Variants in FAM135A observed in about 807,000 individuals in gnomAD.
FAM135A encodes protein FAM135A.
In FAM135A, 79 loss-of-function variants were observed where a neutral mutation model predicts 146.8. That is an observed-to-expected ratio of 0.54 (90% confidence interval 0.45 to 0.65). The LOEUF is 0.65. Among genes scored for constraint, FAM135A ranks in the 30% least tolerant of loss-of-function variants. The pLI, the probability that FAM135A is intolerant of heterozygous loss-of-function variation, is 0.00. For missense variants in FAM135A, 1,623 were observed against 1,758.2 expected (o/e 0.92, Z 1.38); for synonymous variants, 562 against 603.6 (o/e 0.93, Z 1.01).
At chr6:70,516,530 C>CTTTTTT (rs1174927909) in intron 12 of FAM135A, among the ~76,000 whole-genome samples, 274 of 84,918 alleles carry the variant, frequency 3.2e-3, no homozygotes, top group East Asian at 6.2e-3. Context: ...ATTTTCTTTT[C>CTTTTTT]TTTTTTTTTT....
intron 15 of FAM135A, 50 bp downstream of exon 15, chr6:70,526,748 TATACACACACACACACATAC>T (rs373718582): frequency 0.051 from 55,530 of 1,089,594 alleles, 3,488 homozygotes; most frequent in African/African-American, 0.065. Context: ...TACATATATA[TATACACACACACACACATAC>T]ACACACACAC....
At chr6:70,461,603 T>C (rs1779459354) in intron 5 of FAM135A, among the ~76,000 whole-genome samples, 1 of 152,160 alleles carries the variant, frequency 6.6e-6, no homozygotes, top group Non-Finnish European at 1.5e-5. Context: ...TAAAACTATT[T>C]ATGAGATAGG....
chr6:70,558,357 A>G (rs1008308940), intron 21 of FAM135A, among the ~76,000 whole-genome samples: 1 of 152,228 alleles, frequency 6.6e-6, no homozygotes, highest in African/African-American at 2.4e-5. Flanking sequence ...CACACGTTCC[A>G]TGGACACTGT....
At chr6:70,480,845 A>G in intron 8 of FAM135A, 56 bp from the exon 9 acceptor site, 1 of 1,487,210 alleles carries the variant, frequency 6.7e-7, no homozygotes, top group Non-Finnish European at 9.0e-7. Flanking sequence ...GTAAATATTT[A>G]ACTTACATTC....
At chr6:70,469,102 A>G (rs994465511) in intron 5 of FAM135A, among the ~76,000 whole-genome samples, 5 of 152,098 alleles carry the variant, frequency 3.3e-5, no homozygotes, top group African/African-American at 9.7e-5. Context: ...AATGTATTCT[A>G]TCATTTACTT....
At chr6:70,542,776 CTG>C (rs1798174758) in intron 20 of FAM135A, among the ~76,000 whole-genome samples, 1 of 152,120 alleles carries the variant, frequency 6.6e-6, no homozygotes, top group African/African-American at 2.4e-5. Context: ...ATGTCTAAAA[CTG>C]TATGTCTTCT....
At chr6:70,548,539 A>T (rs1041527696) in intron 20 of FAM135A, among the ~76,000 whole-genome samples, 10 of 152,202 alleles carry the variant, frequency 6.6e-5, no homozygotes, top group African/African-American at 9.6e-5. Context: ...GAGGAGCCAT[A>T]GACACCCTGC....
chr6:70,495,231 T>C (rs777424258), intron 11 of FAM135A, among the ~76,000 whole-genome samples: 2 of 152,206 alleles, frequency 1.3e-5, no homozygotes, highest in Middle Eastern at 3.2e-3. Flanking sequence ...GGGAGCTCTT[T>C]TTCATAAAAA....
At chr6:70,539,888 C>G (rs1014400175) in intron 20 of FAM135A, among the ~76,000 whole-genome samples, 1 of 151,966 alleles carries the variant, frequency 6.6e-6, no homozygotes, top group African/African-American at 2.4e-5. Context: ...CCCAGCTACT[C>G]GGGAGGCTGA....
chr6:70,440,622 A>AG (rs1186400776), intron 4 of FAM135A, among the ~76,000 whole-genome samples: 1 of 152,208 alleles, frequency 6.6e-6, no homozygotes, highest in Non-Finnish European at 1.5e-5. Context: ...TGGGAGGCAG[A>AG]GGTTGCAGTG....
chr6:70,459,464 A>G (rs915247655), intron 5 of FAM135A, among the ~76,000 whole-genome samples: 1 of 152,302 alleles, frequency 6.6e-6, no homozygotes. Context: ...TCAGTCATGA[A>G]AGACAATGAG....
rs1444746764 is a variant in FAM135A, at chr6:70,551,383, G to A, written c.4229-5367G>A. On this transcript the variant is annotated intron_variant, in intron 20 of 21. Coordinates refer to ENST00000418814, the MANE Select transcript of FAM135A (RefSeq NM_001162529.3). ...CCAGAACTTTGCAAGGCCGAGGCTG[G>A]GAATCTCCGAATCCTAGGAGTTTGA... Among the ~76,000 whole-genome samples the A allele has an allele frequency of 2.6e-5, 4 of 152,066 alleles. No individual in the cohort carries two copies. The East Asian group carries it at 7.7e-4, about 29-fold the overall frequency.
At position 70,526,030 on chromosome 6, in the gene FAM135A, T is replaced by C; in HGVS notation, c.2946T>C (p.Gly982=). The part of the protein sequence containing the change: ...ICLGTPCVIS[G]SISSNTDVSE... ...TAGGCACTCCTTGTGTCATTTCAGG[T>C]TCCATTTCTAGTAATACAGATGTTA... is the stretch of plus-strand genomic sequence containing the variant. The change falls in exon 15 of 22, where the codon GGT becomes GGC. Residue 982 remains glycine (G), a synonymous_variant. Transcript: ENST00000418814. The C allele has an allele frequency of 6.2e-7, 1 of 1,612,056 alleles. No homozygotes were observed. Among genetic ancestry groups the C allele is most frequent in the South Asian group, 1.1e-5 (1 of 90,740 alleles).
intron 20 of FAM135A, among the ~76,000 whole-genome samples, chr6:70,543,393 C>T (rs1298580297): frequency 6.6e-6 from 1 of 152,052 alleles, no homozygotes; most frequent in East Asian, 1.9e-4. Context: ...CAGGATTCTG[C>T]CTTAAATGTT....
intron 5 of FAM135A, among the ~76,000 whole-genome samples, chr6:70,456,264 A>C (rs1778352483): frequency 6.6e-6 from 1 of 152,150 alleles, no homozygotes; most frequent in Admixed American, 6.5e-5. Flanking sequence ...ATCAAACCCA[A>C]CTATCTCCTT....
chr6:70,494,539 T>C (rs1786776475), intron 11 of FAM135A, among the ~76,000 whole-genome samples: 1 of 152,144 alleles, frequency 6.6e-6, no homozygotes, highest in Non-Finnish European at 1.5e-5. Context: ...TAAAGTCTTA[T>C]TCCTACATTT....
At chr6:70,537,737 C>T (rs9455151) in intron 19 of FAM135A, among the ~76,000 whole-genome samples, 23,014 of 151,962 alleles carry the variant, frequency 0.15, 1,932 homozygotes, top group Middle Eastern at 0.19. Flanking sequence ...TGCTTAATTT[C>T]CTGAAGAGCA....
At chr6:70,436,337 G>A (rs1047239083) in intron 4 of FAM135A, among the ~76,000 whole-genome samples, 8 of 152,096 alleles carry the variant, frequency 5.3e-5, no homozygotes, top group Admixed American at 3.9e-4. Context: ...GAGAATACTC[G>A]ATAAGAAGTT....
In FAM135A at chr6:70,525,375, C is replaced by T; in HGVS notation, c.2291C>T (p.Ser764Leu). Residue 764 changes from serine to leucine, a missense_variant, in exon 15 of 22, where the codon TCA becomes TTA. Physicochemically the swap from Ser to Leu is moderately radical, Grantham distance 145. Coordinates refer to ENST00000418814, the MANE Select transcript of FAM135A (RefSeq NM_001162529.3). ...KLPDISATYA[S>L]SRFSDSGVES... ...CCAGATATTAGTGCCACATATGCCTCATCTAGATTTTCAGATTCAGGTGTT... is the reference window on the plus strand; with the variant it reads ...CCAGATATTAGTGCCACATATGCCTTATCTAGATTTTCAGATTCAGGTGTT... 2.5e-6 allele frequency: 4 copies of T among 1,613,724 alleles called. No individual in the cohort carries two copies. Among genetic ancestry groups the T allele is most frequent in the Non-Finnish European group, 3.4e-6 (4 of 1,179,702 alleles).
Sources: allele counts gnomAD v4.1 joint callset (sites outside exome capture counted in the v4.1 genomes callset), GRCh38; gene constraint gnomAD v4.1.1; transcripts MANE v1.5; gene names NCBI Gene and HGNC (gene_info 2026-07-23, HGNC 2026-07-21).